Variants in INPP5A observed in about 807,000 individuals in gnomAD.
INPP5A encodes inositol polyphosphate-5-phosphatase A, also known as 43 kDa inositol polyphosphate 5-phophatase.
INPP5A carries 14 observed loss-of-function variants against 65.2 expected under a neutral mutation model. That is an observed-to-expected ratio of 0.21 (90% confidence interval 0.14 to 0.34). The LOEUF is 0.34. Ranked by LOEUF, INPP5A falls within the 10% of genes least tolerant of loss-of-function variation. The pLI, the probability that INPP5A is intolerant of heterozygous loss-of-function variation, is 1.00. For missense variants in INPP5A, 431 were observed against 545.6 expected, an observed-to-expected ratio of 0.79 and a Z score of 2.09; for synonymous variants, 207 against 208.3, an observed-to-expected ratio of 0.99 and a Z score of 0.05.
rs538860711 is a variant in INPP5A, at chr10:132,762,319, G to A, written c.904-3454G>A. ...CACAGACATGTCAGAGTGAAACAGC[G>A]GAACATCAAAGACGAAGAGAATATT... On this transcript the variant is annotated intron_variant, in intron 11 of 15. Transcript: ENST00000368594. This position sits in a 1 kb window ranked among gnomAD's most constrained non-coding sequence, Gnocchi z 4.6. Among the ~76,000 whole-genome samples the A allele has an allele frequency of 1.2e-4, 18 of 152,332 alleles. No homozygotes were observed. The highest frequency in any genetic ancestry group is 2.2e-4 in the Non-Finnish European group (15 of 68,036).
intron 2 of INPP5A, among the ~76,000 whole-genome samples, chr10:132,613,957 G>A (rs1388159674): frequency 6.6e-6 from 1 of 152,236 alleles, no homozygotes; most frequent in South Asian, 2.1e-4. Context: ...ATATAGGGAA[G>A]AACTAAATAT....
chr10:132,727,796 G>A lies in INPP5A; in HGVS notation c.732+891G>A, dbSNP rs1373822677. Among the ~76,000 whole-genome samples the A allele has an allele frequency of 6.6e-6, 1 of 152,054 alleles. No homozygotes were observed. The highest frequency in any genetic ancestry group is 1.5e-5 in the Non-Finnish European group (1 of 68,016). ...GCCACGGTGAGTCAGATGGGGACAC[G>A]GTAAGTCGGATGGGGACACGGTGAG... On this transcript the variant is annotated intron_variant, in intron 9 of 15. Transcript: ENST00000368594. This position sits in a 1 kb window ranked among gnomAD's most constrained non-coding sequence, Gnocchi z 6.5.
In INPP5A at chr10:132,663,683, CTG is replaced by C. The variant is rs761986620; in HGVS notation, c.306+13181_306+13182del. Among the ~76,000 whole-genome samples, 6 of 152,240 alleles carry C rather than the reference CTG, an allele frequency of 3.9e-5. No individual in the cohort carries two copies. Among genetic ancestry groups the C allele is most frequent in the Non-Finnish European group, 5.9e-5 (4 of 68,042 alleles). ...GGCTGGGGTTGGTTTGCAGTGGAGT[CTG>C]TGCCTGTGGCAGCCGTCTGCATGAC... On this transcript the variant is annotated intron_variant, in intron 4 of 15. Transcript: ENST00000368594. This position sits in a 1 kb window ranked among gnomAD's most constrained non-coding sequence, Gnocchi z 4.5.
intron 12 of INPP5A, among the ~76,000 whole-genome samples, chr10:132,774,320 G>A (rs1349641870): frequency 6.6e-6 from 1 of 152,208 alleles, no homozygotes; most frequent in Non-Finnish European, 1.5e-5. Context: ...TTTCTCTGTA[G>A]TGTGCTGCAC....
In INPP5A at chr10:132,551,942, C is replaced by T. The variant is rs1249329531; in HGVS notation, c.75+13771C>T. 1.3e-5 allele frequency among the ~76,000 whole-genome samples: 2 copies of T among 152,264 alleles called. No individual in the cohort carries two copies. The highest frequency in any genetic ancestry group is 4.8e-5 in the African/African-American group (2 of 41,468). On this transcript the variant is annotated intron_variant, in intron 1 of 15. Transcript: ENST00000368594. The surrounding 1 kb of genome is among the most constrained non-coding windows in gnomAD (Gnocchi z 5.3). Reference sequence around the variant, plus strand: ...CTGGCAGTACCCCCCACACAGGGGTCCAGGTGTCCTCTGATTCTGCTGTGC... The same window carrying T: ...CTGGCAGTACCCCCCACACAGGGGTTCAGGTGTCCTCTGATTCTGCTGTGC...
chr10:132,661,192 A>G (rs1420343269), intron 4 of INPP5A, among the ~76,000 whole-genome samples: 3 of 152,244 alleles, frequency 2.0e-5, no homozygotes, highest in Non-Finnish European at 4.4e-5. Context: ...CCATGTGTAA[A>G]TTGTTTGATG....
chr10:132,719,226 G>C (rs1358748791), intron 8 of INPP5A, among the ~76,000 whole-genome samples: 76 of 107,138 alleles, frequency 7.1e-4, no homozygotes, highest in Middle Eastern at 8.5e-3. Context: ...GACTGTCTTG[G>C]GGGTTCTGTG....
intron 5 of INPP5A, among the ~76,000 whole-genome samples, chr10:132,695,526 C>T (rs1400147735): frequency 1.3e-5 from 2 of 152,128 alleles, no homozygotes; most frequent in African/African-American, 4.8e-5. Flanking sequence ...AAATAAAAGC[C>T]ATGTTGATGG....
At chr10:132,592,790 G>A (rs955025756) in intron 1 of INPP5A, among the ~76,000 whole-genome samples, 3 of 152,264 alleles carry the variant, frequency 2.0e-5, no homozygotes, top group African/African-American at 7.2e-5. Flanking sequence ...GACTTTCTGT[G>A]CTGTGTAACA....
chr10:132,700,321 TGGCTGGGACGGG>T (rs1381607276), intron 6 of INPP5A, among the ~76,000 whole-genome samples: 1 of 152,184 alleles, frequency 6.6e-6, no homozygotes, highest in African/African-American at 2.4e-5. Context: ...TGGCTGCTGG[TGGCTGGGACGGG>T]GGGCCAGCCC....
At position 132,782,128 on chromosome 10, in the gene INPP5A, C is replaced by T. The variant is rs778577300; in HGVS notation, c.*99C>T. ...ACTCTTGAAAGCTGCATCGAGAACC[C>T]GCCCAAGCGCCACCTGCTAGACGGC... On this transcript the variant is annotated 3_prime_UTR_variant, in exon 16 of 16. Coordinates refer to ENST00000368594, the MANE Select transcript of INPP5A (RefSeq NM_005539.5). This position sits in a 1 kb window ranked among gnomAD's most constrained non-coding sequence, Gnocchi z 4.4. 9.2e-6 allele frequency: 14 copies of T among 1,527,536 alleles called. No individual in the cohort carries two copies. Among genetic ancestry groups the T allele is most frequent in the South Asian group, 3.6e-5 (3 of 83,036 alleles). The allele number at this position is 1,527,536 out of a possible 1,614,324, so 94.6% of individuals were successfully genotyped here. A position where few individuals can be genotyped will look rare whatever the true frequency, so the allele number is the denominator to read the frequency against.
At chr10:132,656,942 G>T (rs1319013112) in intron 4 of INPP5A, among the ~76,000 whole-genome samples, 1 of 152,234 alleles carries the variant, frequency 6.6e-6, no homozygotes, top group Non-Finnish European at 1.5e-5. Context: ...CAGCGACAGG[G>T]CTGTGTGGGG....
rs893614538 is a variant in INPP5A, at chr10:132,676,892, G to C, written c.307-13500G>C. Among the ~76,000 whole-genome samples the C allele has an allele frequency of 1.3e-5, 2 of 152,106 alleles. No homozygotes were observed. Among genetic ancestry groups the C allele is most frequent in the African/African-American group, 4.8e-5 (2 of 41,408 alleles). ...TCCTTGGCAAGCTGAGTCTTCCCCA[G>C]CTTTGAGGCCCATCCACATGGTGAC... On this transcript the variant is annotated intron_variant, in intron 4 of 15. Transcript: ENST00000368594. The surrounding 1 kb of genome is among the most constrained non-coding windows in gnomAD (Gnocchi z 4.0).
At position 132,782,646 on chromosome 10, in the gene INPP5A, C is replaced by G. The variant is rs898178439; in HGVS notation, c.*617C>G. The G allele has an allele frequency of 6.6e-6, 1 of 151,624 alleles. No individual in the cohort carries two copies. The highest frequency in any genetic ancestry group is 1.5e-5 in the Non-Finnish European group (1 of 67,904). 9.4% of individuals were successfully genotyped at this position (151,624 alleles called of 1,614,324 possible). On this transcript the variant is annotated 3_prime_UTR_variant, in exon 16 of 16. Coordinates refer to ENST00000368594, the MANE Select transcript of INPP5A (RefSeq NM_005539.5). The surrounding 1 kb of genome is among the most constrained non-coding windows in gnomAD (Gnocchi z 4.4). The stretch of plus-strand genomic sequence containing the variant: ...TACTTTTTAAAAATAATTTATAAAT[C>G]TTACCAAAACTTATGCTAAATATAC...
chr10:132,751,331 C>G (rs980097815), intron 11 of INPP5A, among the ~76,000 whole-genome samples: 5 of 152,240 alleles, frequency 3.3e-5, no homozygotes, highest in Non-Finnish European at 7.3e-5. Flanking sequence ...CCCACATGGC[C>G]CCATCAGCCT....
intron 1 of INPP5A, among the ~76,000 whole-genome samples, chr10:132,581,512 C>T (rs1030946325): frequency 5.9e-5 from 9 of 152,150 alleles, no homozygotes; most frequent in East Asian, 1.9e-4. Context: ...TCTGACAGTG[C>T]GTGGAGGCCT....
chr10:132,679,818 T>A (rs2073018931), intron 4 of INPP5A, among the ~76,000 whole-genome samples: 1 of 152,218 alleles, frequency 6.6e-6, no homozygotes. Flanking sequence ...GGAGGCACCC[T>A]GCCTGGGCAG....
chr10:132,745,371 T>G (rs1846350300), intron 9 of INPP5A, among the ~76,000 whole-genome samples: 1 of 152,192 alleles, frequency 6.6e-6, no homozygotes, highest in Non-Finnish European at 1.5e-5. Flanking sequence ...GGGAGTGTGT[T>G]GACCACCAGG....
chr10:132,689,366 C>T (rs1343428964), intron 4 of INPP5A, among the ~76,000 whole-genome samples: 3 of 152,216 alleles, frequency 2.0e-5, no homozygotes, highest in African/African-American at 4.8e-5. Context: ...CACCTGGCAC[C>T]GCCGCTTCAA....
Sources: gnomAD v4.1 joint callset for allele counts (sites outside exome capture counted in the v4.1 genomes callset) on GRCh38, gnomAD v4.1.1 for gene constraint, Gnocchi (gnomAD v3.1) non-coding constraint, MANE v1.5 for transcripts, NCBI Gene and HGNC (gene_info 2026-07-23, HGNC 2026-07-21) for gene names.